Variants in CAMTA1 observed in about 807,000 individuals in gnomAD.
CAMTA1 encodes calmodulin binding transcription activator 1.
Under a neutral mutation model 170.9 loss-of-function variants are expected in CAMTA1, and 27 were observed. The ratio of observed to expected loss-of-function variants is 0.16; its 90% CI spans 0.12 to 0.22. The LOEUF is 0.22. Among genes scored for constraint, CAMTA1 ranks in the 10% least tolerant of loss-of-function variants. CAMTA1 has a pLI of 1.00. For missense variants in CAMTA1, 1,619 were observed against 2,217.2 expected (o/e 0.73, Z 5.42); for synonymous variants, 833 against 891.5 (o/e 0.93, Z 1.17).
chr1:6,950,427 G>C (rs1271510474), intron 3 of CAMTA1, among the ~76,000 whole-genome samples: 1 of 152,174 alleles, frequency 6.6e-6, no homozygotes, highest in African/African-American at 2.4e-5. Flanking sequence ...AGGAACCCAA[G>C]TGCCTCTGTG....
rs2097038013 is a variant in CAMTA1 at position 7,768,647 on chromosome 1, T to G, written c.*2156T>G. 1 of 152,728 alleles carries G rather than the reference T, an allele frequency of 6.5e-6. No homozygotes were observed. The highest frequency in any genetic ancestry group is 1.5e-5 in the Non-Finnish European group (1 of 68,046). 9.5% of individuals were successfully genotyped at this position (152,728 alleles called of 1,614,324 possible). On this transcript the variant is annotated 3_prime_UTR_variant, in exon 23 of 23. Transcript: ENST00000303635. ...CTGCCAACCTCGAATTACTGTACAGTATATGTCTTTCTGCTTGTGATCAGC... is the reference window on the plus strand; with the variant it reads ...CTGCCAACCTCGAATTACTGTACAGGATATGTCTTTCTGCTTGTGATCAGC...
rs1406702060 is a variant in CAMTA1 at position 7,665,396 on chromosome 1, C to T, written c.2652+197C>T. On this transcript the variant is annotated intron_variant, in intron 9 of 22. Coordinates refer to ENST00000303635, the MANE Select transcript of CAMTA1 (RefSeq NM_015215.4). The surrounding 1 kb of genome is among the most constrained non-coding windows in gnomAD (Gnocchi z 4.3). ...CTTTCACGCAGTGGTTCTCAAACTT[C>T]ACTGGGGCAAGTAGCTTTAAAGTCA... 6.6e-6 allele frequency among the ~76,000 whole-genome samples: 1 copy of T among 152,202 alleles called. No individual in the cohort carries two copies. Among genetic ancestry groups the T allele is most frequent in the African/African-American group, 2.4e-5 (1 of 41,448 alleles).
Position 7,398,138 on chromosome 1 carries a change from T to C in CAMTA1, c.439-69692T>C, listed in dbSNP as rs115408190. On this transcript the variant is annotated intron_variant, in intron 5 of 22. Transcript: ENST00000303635. Reference sequence around the variant, plus strand: ...GCAATCTATCTCTTCCTTCAGAAGTTAGATATAATAATATTGCTCTCTCTC... The same window carrying C: ...GCAATCTATCTCTTCCTTCAGAAGTCAGATATAATAATATTGCTCTCTCTC... Among the ~76,000 whole-genome samples, 449 of 138,348 alleles carry C rather than the reference T, an allele frequency of 3.2e-3. 6 individuals carry two copies. Among genetic ancestry groups the C allele is most frequent in the African/African-American group, 0.011 (420 of 37,978 alleles). The allele number at this position is 138,348 out of a possible 152,430, so 90.8% of individuals were successfully genotyped here.
At chr1:7,029,015 C>T (rs1402317242) in intron 3 of CAMTA1, among the ~76,000 whole-genome samples, 1 of 152,126 alleles carries the variant, frequency 6.6e-6, no homozygotes, top group African/African-American at 2.4e-5. Flanking sequence ...ATCCTGATTC[C>T]CTTACCCTCT....
chr1:7,345,836 G>C (rs1226167719), intron 5 of CAMTA1, among the ~76,000 whole-genome samples: 2 of 152,180 alleles, frequency 1.3e-5, no homozygotes, highest in Non-Finnish European at 2.9e-5. Context: ...CTGCCTTTCT[G>C]CTCCTAAATA....
Position 6,948,324 on chromosome 1 carries a change from T to C in CAMTA1, c.234+123114T>C, listed in dbSNP as rs1192189684. On this transcript the variant is annotated intron_variant, in intron 3 of 22. Coordinates refer to ENST00000303635, the MANE Select transcript of CAMTA1 (RefSeq NM_015215.4). ...CAACCTGGTGGATGACATTTAGAGTTTAGTGAGAAGCTCTGGAAGTCTCAC... is the reference window on the plus strand; with the variant it reads ...CAACCTGGTGGATGACATTTAGAGTCTAGTGAGAAGCTCTGGAAGTCTCAC... Among the ~76,000 whole-genome samples, 3 of 152,302 alleles carry C rather than the reference T, an allele frequency of 2.0e-5. No individual in the cohort carries two copies. The East Asian group carries it at 5.8e-4, about 29-fold the overall frequency.
Position 7,461,369 on chromosome 1 carries a change from G to T in CAMTA1, c.439-6461G>T, listed in dbSNP as rs145524296. Among the ~76,000 whole-genome samples, 53 of 152,342 alleles carry T rather than the reference G, an allele frequency of 3.5e-4. 1 individual carries two copies. The highest frequency in any genetic ancestry group is 1.3e-3 in the African/African-American group (53 of 41,586). On this transcript the variant is annotated intron_variant, in intron 5 of 22. Transcript: ENST00000303635. Reference sequence around the variant, plus strand: ...ACTGGACCCTAACCCATGTTCTCTAGCGTGGGAGCATCGGTATAACTTTCT... The same window carrying T: ...ACTGGACCCTAACCCATGTTCTCTATCGTGGGAGCATCGGTATAACTTTCT...
At chr1:7,211,214 C>T (rs555485574) in intron 4 of CAMTA1, among the ~76,000 whole-genome samples, 4 of 152,270 alleles carry the variant, frequency 2.6e-5, no homozygotes, top group South Asian at 2.1e-4. Context: ...GATAGTGTCT[C>T]GACTTTAACA....
At chr1:6,800,704 C>T (rs1162630114) in intron 1 of CAMTA1, among the ~76,000 whole-genome samples, 2 of 152,142 alleles carry the variant, frequency 1.3e-5, no homozygotes, top group African/African-American at 4.8e-5. Context: ...GAAGACTCTT[C>T]CTATTTAGAA....
chr1:7,347,578 C>T (rs1432726508), intron 5 of CAMTA1, among the ~76,000 whole-genome samples: 1 of 152,212 alleles, frequency 6.6e-6, no homozygotes, highest in Non-Finnish European at 1.5e-5. Context: ...AACTGGGTGG[C>T]TTAAAAGCAC....
At chr1:7,441,822 G>A (rs763134722) in intron 5 of CAMTA1, among the ~76,000 whole-genome samples, 7 of 152,126 alleles carry the variant, frequency 4.6e-5, no homozygotes, top group Admixed American at 3.3e-4. Flanking sequence ...TCCCCATCCC[G>A]AGGCCCTGCA....
chr1:7,227,996 A>G (rs1200261803), intron 4 of CAMTA1, among the ~76,000 whole-genome samples: 1 of 151,856 alleles, frequency 6.6e-6, no homozygotes, highest in African/African-American at 2.4e-5. Flanking sequence ...TCATCTTCTC[A>G]GCCACCTAGC....
At chr1:7,323,855 A>G (rs1030141787) in intron 5 of CAMTA1, among the ~76,000 whole-genome samples, 5 of 152,176 alleles carry the variant, frequency 3.3e-5, no homozygotes, top group Non-Finnish European at 7.3e-5. Flanking sequence ...TTTATTAAAA[A>G]TTTCCATCCA....
At chr1:7,020,975 C>G (rs545186966) in intron 3 of CAMTA1, among the ~76,000 whole-genome samples, 1 of 152,372 alleles carries the variant, frequency 6.6e-6, no homozygotes, top group African/African-American at 2.4e-5. Context: ...TTAGGCAGTG[C>G]TTGTGCATCC....
chr1:7,664,649 G>C lies in CAMTA1; in HGVS notation c.2102G>C (p.Ser701Thr), dbSNP rs765228687. Reference protein sequence around the residue: ...TMETSQAAEGSEVLLKSGELQ... With the variant: ...TMETSQAAEGTEVLLKSGELQ... Reference sequence around the variant, plus strand: ...GAGACCTCGCAGGCGGCGGAAGGGAGCGAGGTCCTGCTCAAGTCTGGGGAG... The same window carrying C: ...GAGACCTCGCAGGCGGCGGAAGGGACCGAGGTCCTGCTCAAGTCTGGGGAG... Residue 701 changes from serine (S) to threonine (T), a missense_variant, in exon 9 of 23, where the codon AGC becomes ACC. Ser to Thr is a moderately conservative substitution (Grantham distance 58). Transcript: ENST00000303635. 6.2e-7 allele frequency: 1 copy of C among 1,606,398 alleles called. No homozygotes were observed. The highest frequency in any genetic ancestry group is 1.3e-5 in the African/African-American group (1 of 74,802).
At chr1:6,947,736 C>T (rs1687812984) in intron 3 of CAMTA1, among the ~76,000 whole-genome samples, 1 of 152,070 alleles carries the variant, frequency 6.6e-6, no homozygotes, top group Non-Finnish European at 1.5e-5. Flanking sequence ...ATAAGTTTTG[C>T]ATTTCTTTTG....
At chr1:7,319,370 G>A (rs145216073) in intron 5 of CAMTA1, among the ~76,000 whole-genome samples, 1 of 152,234 alleles carries the variant, frequency 6.6e-6, no homozygotes, top group East Asian at 1.9e-4. Flanking sequence ...TAGTGAGTGA[G>A]TTCTCATGAG....
At chr1:6,833,652 G>A (rs1234705521) in intron 3 of CAMTA1, among the ~76,000 whole-genome samples, 1 of 152,028 alleles carries the variant, frequency 6.6e-6, no homozygotes, top group South Asian at 2.1e-4. Flanking sequence ...TTAAGCCTTG[G>A]CACAAATACA....
chr1:7,068,548 T>C (rs1364057714), intron 3 of CAMTA1, among the ~76,000 whole-genome samples: 1 of 152,120 alleles, frequency 6.6e-6, no homozygotes, highest in Non-Finnish European at 1.5e-5. Context: ...ACGTGCCCTG[T>C]GTGAGGTGCC....
Sources: allele counts gnomAD v4.1 joint callset (sites outside exome capture counted in the v4.1 genomes callset), GRCh38; gene constraint gnomAD v4.1.1; non-coding constraint Gnocchi (gnomAD v3.1); transcripts MANE v1.5; gene names NCBI Gene and HGNC (gene_info 2026-07-23, HGNC 2026-07-21).